Variants in TIAM1 observed in about 807,000 individuals in gnomAD.
The protein encoded by TIAM1 is TIAM Rac1 associated GEF 1.
In TIAM1, 65 loss-of-function variants were observed where a neutral mutation model predicts 163.5. That is an observed-to-expected ratio of 0.40 (90% CI 0.33 to 0.49). The LOEUF (loss-of-function observed/expected upper bound fraction) is 0.49, where lower values mean the gene tolerates loss of function less well. Ranked by LOEUF, TIAM1 falls within the 20% of genes least tolerant of loss-of-function variation. The pLI is 0.77. For synonymous variants in TIAM1, 833 were observed against 810.1 expected (o/e 1.03, Z -0.48); for missense variants, 1,789 against 2,044.7 (o/e 0.87, Z 2.41).
At chr21:31,296,160 A>G (rs1380680248) in intron 2 of TIAM1, among the ~76,000 whole-genome samples, 3 of 152,198 alleles carry the variant, frequency 2.0e-5, no homozygotes, top group Non-Finnish European at 2.9e-5. Flanking sequence ...TCATTTTGGT[A>G]TACTATTTAA....
At chr21:31,256,630 T>TACAC (rs1569115880) in intron 4 of TIAM1, among the ~76,000 whole-genome samples, 1 of 149,050 alleles carries the variant, frequency 6.7e-6, no homozygotes, top group Non-Finnish European at 1.5e-5. Flanking sequence ...CACACACACG[T>TACAC]ATATTATCTT....
chr21:31,420,401 G>A (rs1220648888), intron 2 of TIAM1, among the ~76,000 whole-genome samples: 2 of 152,132 alleles, frequency 1.3e-5, no homozygotes, highest in African/African-American at 4.8e-5. Flanking sequence ...GAAATTCCAG[G>A]AACTAATAGA....
chr21:31,423,858 G>A (rs1350370659), intron 2 of TIAM1, among the ~76,000 whole-genome samples: 1 of 114,488 alleles, frequency 8.7e-6, no homozygotes, highest in East Asian at 2.8e-4. Flanking sequence ...GATTATCGGG[G>A]GGGGCGGGGG....
At chr21:31,135,224 C>T (rs1156515823) in intron 23 of TIAM1, among the ~76,000 whole-genome samples, 1 of 152,206 alleles carries the variant, frequency 6.6e-6, no homozygotes, top group African/African-American at 2.4e-5. Context: ...TAAGCATTTA[C>T]ATTGCAACAA....
At chr21:31,315,385 GGCGCCT>G (rs1186736260) in intron 2 of TIAM1, among the ~76,000 whole-genome samples, 2 of 151,866 alleles carry the variant, frequency 1.3e-5, no homozygotes, top group Non-Finnish European at 2.9e-5. Context: ...CATGGTGGCG[GGCGCCT>G]GTAGTCCCAG....
chr21:31,124,764 G>A, intron 26 of TIAM1, 70 bp from the exon 27 acceptor site: 1 of 1,330,220 alleles, frequency 7.5e-7, no homozygotes, highest in Non-Finnish European at 1.0e-6. Context: ...AAGGTTATCA[G>A]GTGCAACCAA....
intron 1 of TIAM1, among the ~76,000 whole-genome samples, chr21:31,466,793 T>C (rs1246743922): frequency 2.0e-5 from 3 of 152,136 alleles, no homozygotes; most frequent in Non-Finnish European, 4.4e-5. Flanking sequence ...AATCTAGAAA[T>C]GGCCGTTTCT....
intron 19 of TIAM1, among the ~76,000 whole-genome samples, chr21:31,148,125 A>G (rs2083221135): frequency 6.6e-6 from 1 of 151,706 alleles, no homozygotes; most frequent in South Asian, 2.1e-4. Context: ...CCCTCCGCAA[A>G]TCTCCACCCT....
intron 1 of TIAM1, among the ~76,000 whole-genome samples, chr21:31,538,456 G>A (rs1395496530): frequency 4.6e-5 from 7 of 152,160 alleles, no homozygotes; most frequent in Non-Finnish European, 8.8e-5. Flanking sequence ...GATGGGAGAA[G>A]ACCGTATCTC....
At chr21:31,530,875 A>G (rs1039769044) in intron 1 of TIAM1, among the ~76,000 whole-genome samples, 2 of 151,998 alleles carry the variant, frequency 1.3e-5, no homozygotes, top group Admixed American at 6.6e-5. Context: ...TTCCTGAGTA[A>G]TAAATTTAGA....
chr21:31,129,705 T>C (rs1023102713), intron 25 of TIAM1, among the ~76,000 whole-genome samples: 8 of 152,140 alleles, frequency 5.3e-5, no homozygotes, highest in African/African-American at 1.9e-4. Context: ...GAATCAACAT[T>C]TTAAAAGCCT....
At chr21:31,349,828 G>A (rs1377114566) in intron 2 of TIAM1, among the ~76,000 whole-genome samples, 3 of 152,172 alleles carry the variant, frequency 2.0e-5, no homozygotes, top group African/African-American at 7.2e-5. Flanking sequence ...CTCAGAGCAA[G>A]TCCCTCTGCC....
At chr21:31,373,034 A>G (rs1045555667) in intron 2 of TIAM1, among the ~76,000 whole-genome samples, 4 of 149,834 alleles carry the variant, frequency 2.7e-5, no homozygotes, top group Non-Finnish European at 4.4e-5. Context: ...CAGCCTGGGC[A>G]ACAAGAGCAA....
intron 1 of TIAM1, among the ~76,000 whole-genome samples, chr21:31,529,932 T>G (rs1479002204): frequency 1.3e-5 from 2 of 152,174 alleles, no homozygotes; most frequent in Non-Finnish European, 2.9e-5. Context: ...CATTACAGCA[T>G]TCTCTTGTTG....
At chr21:31,497,936 G>T (rs2046719918) in intron 1 of TIAM1, among the ~76,000 whole-genome samples, 1 of 152,176 alleles carries the variant, frequency 6.6e-6, no homozygotes, top group Non-Finnish European at 1.5e-5. Flanking sequence ...TAAATTATGT[G>T]ATTGACTTAC....
At chr21:31,152,799 A>G in intron 18 of TIAM1, 38 bp from the exon 19 acceptor site, 2 of 1,604,766 alleles carry the variant, frequency 1.2e-6, no homozygotes, top group Non-Finnish European at 1.7e-6. Context: ...CTCATATCTC[A>G]TTAGTCTTCC....
At chr21:31,272,667 C>T (rs117458734) in intron 3 of TIAM1, among the ~76,000 whole-genome samples, 9 of 152,182 alleles carry the variant, frequency 5.9e-5, no homozygotes, top group Non-Finnish European at 1.0e-4. Context: ...ACAAACAAAA[C>T]GAGCCTTAAC....
chr21:31,462,824 C>G (rs1483792524), intron 2 of TIAM1, among the ~76,000 whole-genome samples: 1 of 151,644 alleles, frequency 6.6e-6, no homozygotes, highest in African/African-American at 2.4e-5. Flanking sequence ...CTCACTGCAA[C>G]CTCCGCCTCC....
Position 31,223,611 on chromosome 21 carries a change from G to C in TIAM1, c.1810-20C>G, listed in dbSNP as rs185193787. Reference sequence around the variant, plus strand: ...AAAGATCTATGGTAGTGAAAACACGGGAAAAGAAAAAGTGAGAAAATGGGA... The same window carrying C: ...AAAGATCTATGGTAGTGAAAACACGCGAAAAGAAAAAGTGAGAAAATGGGA... On this transcript the variant is annotated intron_variant, in intron 7 of 27. Transcript: ENST00000541036. 3.8e-4 allele frequency: 600 copies of C among 1,566,712 alleles called. 1 individual carries two copies. In the African/African-American group the frequency reaches 5.6e-3, roughly 15 times the overall value.
Sources: gnomAD v4.1 joint callset for allele counts (sites outside exome capture counted in the v4.1 genomes callset) on GRCh38, gnomAD v4.1.1 for gene constraint, MANE v1.5 for transcripts, NCBI Gene and HGNC (gene_info 2026-07-23, HGNC 2026-07-21) for gene names.